The following OR10J1 variants were observed in gnomAD, a reference collection of about 807,000 sequenced individuals.
OR10J1 encodes the protein olfactory receptor 10J1.
For missense variants in OR10J1, 474 were observed against 376.6 expected (o/e 1.26, Z -2.14); for synonymous variants, 202 against 143.8 (o/e 1.40, Z -2.89).
the OR10J1 span, among the ~76,000 whole-genome samples, chr1:159,410,639 C>CA: frequency 6.6e-6 from 1 of 151,128 alleles, no homozygotes; most frequent in Admixed American, 6.6e-5. Context: ...TTGATCCTTT[C>CA]AAAAAACCAG....
chr1:159,408,028 G>T, the OR10J1 span, among the ~76,000 whole-genome samples: 2 of 151,984 alleles, frequency 1.3e-5, no homozygotes, highest in Admixed American at 1.3e-4. Context: ...TAGGGTCAAA[G>T]AATACTATAA....
chr1:159,430,020 C>A, the OR10J1 span, among the ~76,000 whole-genome samples: 2 of 152,050 alleles, frequency 1.3e-5, no homozygotes, highest in African/African-American at 4.8e-5. Context: ...GGACTTGATG[C>A]AGGGATTCTT....
chr1:159,402,229 A>G, the OR10J1 span, among the ~76,000 whole-genome samples: 1 of 152,106 alleles, frequency 6.6e-6, no homozygotes, highest in Non-Finnish European at 1.5e-5. Context: ...CATCACTGTT[A>G]TTCAGTATAG....
upstream of OR10J1, among the ~76,000 whole-genome samples, chr1:159,435,013 T>C (rs11588375): frequency 0.075 from 11,461 of 152,236 alleles, 603 homozygotes; most frequent in South Asian, 0.25. Context: ...CCTGATCCTA[T>C]GTTCCAGTAA....
chr1:159,403,864 G>A, the OR10J1 span, among the ~76,000 whole-genome samples: 2 of 152,208 alleles, frequency 1.3e-5, no homozygotes, highest in South Asian at 4.1e-4. Flanking sequence ...AGCAACCTAA[G>A]TGTCCATCGA....
chr1:159,429,004 C>T, the OR10J1 span, among the ~76,000 whole-genome samples: 1 of 152,204 alleles, frequency 6.6e-6, no homozygotes, highest in African/African-American at 2.4e-5. Flanking sequence ...ATCCAATTCT[C>T]TTCCAACCTT....
chr1:159,400,524 T>A, the OR10J1 span, among the ~76,000 whole-genome samples: 1 of 150,566 alleles, frequency 6.6e-6, no homozygotes, highest in South Asian at 2.1e-4. Context: ...CAAGGGGATA[T>A]AACAATTTTC....
chr1:159,411,054 G>T, the OR10J1 span, among the ~76,000 whole-genome samples: 1 of 152,150 alleles, frequency 6.6e-6, no homozygotes, highest in African/African-American at 2.4e-5. Flanking sequence ...TTGCACTGTG[G>T]TCTGAGAGAC....
the OR10J1 span, among the ~76,000 whole-genome samples, chr1:159,401,841 C>T: frequency 3.9e-5 from 6 of 151,954 alleles, no homozygotes; most frequent in African/African-American, 1.2e-4. Flanking sequence ...ATGCATAAAT[C>T]CTCAACAAAA....
chr1:159,424,870 C>T, the OR10J1 span, among the ~76,000 whole-genome samples: 1 of 152,034 alleles, frequency 6.6e-6, no homozygotes, highest in South Asian at 2.1e-4. Flanking sequence ...GAGTAACTAA[C>T]ATAGCAAGAA....
At chr1:159,428,621 T>TC in the OR10J1 span, among the ~76,000 whole-genome samples, 3 of 152,132 alleles carry the variant, frequency 2.0e-5, no homozygotes, top group Admixed American at 2.0e-4. Flanking sequence ...TTTCAAACAG[T>TC]CCTAACGAAG....
At chr1:159,437,318 G>A (rs1025464862), upstream of OR10J1, among the ~76,000 whole-genome samples, 15 of 152,130 alleles carry the variant, frequency 9.9e-5, no homozygotes, top group Non-Finnish European at 1.8e-4. Context: ...GCAGAATGAC[G>A]ACCATATTTA....
chr1:159,431,675 A>T, the OR10J1 span, among the ~76,000 whole-genome samples: 2 of 152,294 alleles, frequency 1.3e-5, no homozygotes, highest in Non-Finnish European at 2.9e-5. Flanking sequence ...CATACAGAAG[A>T]ATTTATACTT....
the OR10J1 span, among the ~76,000 whole-genome samples, chr1:159,430,644 T>TGTGTGA: frequency 7.2e-5 from 5 of 69,302 alleles, no homozygotes; most frequent in Admixed American, 1.5e-4. Context: ...AATTATGGTG[T>TGTGTGA]GTGTGTGTGT....
the OR10J1 span, among the ~76,000 whole-genome samples, chr1:159,402,816 A>C: frequency 2.0e-5 from 3 of 152,102 alleles, no homozygotes; most frequent in East Asian, 3.8e-4. Flanking sequence ...TAGCCTAAGC[A>C]AAAAGAACAA....
In OR10J1 at chr1:159,440,085, C is replaced by A; in HGVS notation, c.294C>A (p.Ala98=). 1.2e-6 allele frequency: 2 copies of A among 1,614,088 alleles called. No homozygotes were observed. Residue 98 remains alanine (A), a synonymous_variant, in exon 1 of 1, where the codon GCC becomes GCA. Transcript: ENST00000423932. ...AGCCCATATCATTGGCAGGGTGTGC[C>A]ACACAGATGTTCTTTTTTGTAACCT... ...MSQPISLAGC[A]TQMFFFVTFG...
At chr1:159,410,909 C>T in the OR10J1 span, among the ~76,000 whole-genome samples, 16 of 151,356 alleles carry the variant, frequency 1.1e-4, no homozygotes, top group South Asian at 3.4e-3. Flanking sequence ...TCTTTGTTGT[C>T]ATTGGTTTCA....
At chr1:159,425,860 T>A in the OR10J1 span, among the ~76,000 whole-genome samples, 1 of 151,914 alleles carries the variant, frequency 6.6e-6, no homozygotes, top group Admixed American at 6.6e-5. Context: ...AACAGAAACA[T>A]AAAGATGCAT....
the OR10J1 span, among the ~76,000 whole-genome samples, chr1:159,403,738 A>G: frequency 2.0e-5 from 3 of 152,182 alleles, no homozygotes. Context: ...TTAATCTACC[A>G]TATGATCCAG....
Sources: gnomAD v4.1 joint callset for allele counts (sites outside exome capture counted in the v4.1 genomes callset) on GRCh38, gnomAD v4.1.1 for gene constraint, MANE v1.5 for transcripts, NCBI Gene and HGNC (gene_info 2026-07-23, HGNC 2026-07-21) for gene names.